The following TCF4 variants were observed in gnomAD, a reference collection of about 807,000 sequenced individuals.
TCF4 encodes transcription factor 4, also known as SL3-3 enhancer factor 2.
TCF4 carries 3 observed loss-of-function variants against 82.1 expected under a neutral mutation model. The observed-to-expected ratio is 0.04, with a 90% CI of 0.02 to 0.09. TCF4 has a LOEUF of 0.09. TCF4 is among the 10% of genes least tolerant of loss of function. The pLI, the probability that TCF4 is intolerant of heterozygous loss-of-function variation, is 1.00. For synonymous variants in TCF4, 276 were observed against 309.6 expected, an observed-to-expected ratio of 0.89 and a Z score of 1.14; for missense variants, 518 against 852.7, an observed-to-expected ratio of 0.61 and a Z score of 4.89.
chr18:55,304,193 AG>A (rs1227664581), intron 8 of TCF4, among the ~76,000 whole-genome samples: 1 of 152,220 alleles, frequency 6.6e-6, no homozygotes, highest in Non-Finnish European at 1.5e-5. Flanking sequence ...CCCAGAAGGA[AG>A]GAAGTGGCCA....
chr18:55,586,194 G>GCAGCAGCAGCAGCAC, intron 2 of TCF4: 1 of 718,678 alleles, frequency 1.4e-6, no homozygotes, highest in Non-Finnish European at 2.0e-6. Context: ...AGCAGCAGCA[G>GCAGCAGCAGCAGCAC]CAGCAGCAGC....
At chr18:55,455,911 T>C (rs1411121523) in intron 5 of TCF4, among the ~76,000 whole-genome samples, 1 of 152,224 alleles carries the variant, frequency 6.6e-6, no homozygotes, top group Non-Finnish European at 1.5e-5. Flanking sequence ...AAAAGCTGAT[T>C]CATTGGTTAT....
In TCF4 at chr18:55,489,205, G is replaced by T. The variant is rs979507712; in HGVS notation, c.146-25068C>A. On this transcript the variant is annotated intron_variant, in intron 3 of 19. Transcript: ENST00000354452. ...TAATTCCAACTGTCCCTCAGATCTGGAGCACTGTTGAAAATACATATTCCT... is the reference window on the plus strand; with the variant it reads ...TAATTCCAACTGTCCCTCAGATCTGTAGCACTGTTGAAAATACATATTCCT... Among the ~76,000 whole-genome samples, 7 of 152,170 alleles carry T rather than the reference G, an allele frequency of 4.6e-5. No homozygotes were observed. The East Asian group carries it at 1.4e-3, about 29-fold the overall frequency.
chr18:55,375,880 C>A (rs2090595588), intron 6 of TCF4, among the ~76,000 whole-genome samples: 1 of 151,998 alleles, frequency 6.6e-6, no homozygotes, highest in Non-Finnish European at 1.5e-5. Context: ...GAGGGAAATT[C>A]TCCTAAGTAG....
chr18:55,494,987 T>C (rs2096618362), intron 3 of TCF4, among the ~76,000 whole-genome samples: 1 of 149,964 alleles, frequency 6.7e-6, no homozygotes, highest in Admixed American at 6.6e-5. Context: ...AAAAGAAATC[T>C]ACACAAAGAA....
chr18:55,423,009 T>TCA (rs369259689), intron 5 of TCF4, among the ~76,000 whole-genome samples: 2 of 147,626 alleles, frequency 1.4e-5, no homozygotes, highest in South Asian at 4.4e-4. Flanking sequence ...ACGCACATGC[T>TCA]CACACACACA....
chr18:55,572,072 G>C (rs1190797448), intron 3 of TCF4, among the ~76,000 whole-genome samples: 3 of 152,138 alleles, frequency 2.0e-5, no homozygotes, highest in African/African-American at 7.2e-5. Context: ...CAATTCACCT[G>C]CAGTGGGCAT....
intron 3 of TCF4, among the ~76,000 whole-genome samples, chr18:55,483,352 C>T (rs1434442398): frequency 6.6e-6 from 1 of 152,194 alleles, no homozygotes; most frequent in East Asian, 1.9e-4. Context: ...TGGCACAATA[C>T]ATCTTTTCTC....
rs116575311 is a variant in TCF4, at chr18:55,402,598, G to A, written c.369+856C>T. ...TTCCATCAAGAGTTTTCCAAAGTAA[G>A]AAACCAATGCACTTATAAAAAGGAA... On this transcript the variant is annotated intron_variant, in intron 6 of 19. Transcript: ENST00000354452. 1.1e-3 allele frequency among the ~76,000 whole-genome samples: 172 copies of A among 151,932 alleles called. 1 individual carries two copies. The highest frequency in any genetic ancestry group is 4.0e-3 in the African/African-American group (166 of 41,454).
intron 3 of TCF4, chr18:55,483,007 C>T (rs760785370): frequency 2.0e-5 from 3 of 152,136 alleles, no homozygotes; most frequent in Non-Finnish European, 4.4e-5. Context: ...TTAGGATTCT[C>T]AAGTAATGTC....
intron 8 of TCF4, among the ~76,000 whole-genome samples, chr18:55,332,733 G>A (rs1569048333): frequency 4.6e-5 from 7 of 152,302 alleles, no homozygotes; most frequent in Admixed American, 4.6e-4. Context: ...TTTCAACCTC[G>A]AACTTTAAGC....
chr18:55,385,754 A>G (rs2092538847), intron 6 of TCF4, among the ~76,000 whole-genome samples: 1 of 152,238 alleles, frequency 6.6e-6, no homozygotes, highest in African/African-American at 2.4e-5. Flanking sequence ...GGAAAGGTAG[A>G]TATCAGGGAT....
At chr18:55,330,176 ATTTTT>A (rs3077897) in intron 8 of TCF4, among the ~76,000 whole-genome samples, 1 of 110,476 alleles carries the variant, frequency 9.1e-6, no homozygotes, top group East Asian at 2.7e-4. Flanking sequence ...GCAATGTTGG[ATTTTT>A]TTTTTTTTTT....
intron 8 of TCF4, chr18:55,322,310 G>T: frequency 9.7e-7 from 1 of 1,033,066 alleles, no homozygotes; most frequent in Non-Finnish European, 1.2e-6. Context: ...GAAGGGAATC[G>T]TATGATGCAC....
intron 2 of TCF4, among the ~76,000 whole-genome samples, chr18:55,618,743 G>C (rs2097714661): frequency 1.0e-5 from 1 of 100,274 alleles, no homozygotes; most frequent in African/African-American, 3.2e-5. Flanking sequence ...CACCATGGCT[G>C]GCTAATTAAT....
At chr18:55,596,965 G>A (rs1478627692) in intron 2 of TCF4, among the ~76,000 whole-genome samples, 1 of 152,136 alleles carries the variant, frequency 6.6e-6, no homozygotes, top group Admixed American at 6.5e-5. Flanking sequence ...TGAATCATGG[G>A]GGCGGACTCC....
Position 55,463,322 on chromosome 18 carries a change from A to C in TCF4, c.207+754T>G, listed in dbSNP as rs531798020. Among the ~76,000 whole-genome samples, 3 of 152,324 alleles carry C rather than the reference A, an allele frequency of 2.0e-5. No individual in the cohort carries two copies. The East Asian group carries it at 5.8e-4, about 29-fold the overall frequency. On this transcript the variant is annotated intron_variant, in intron 4 of 19. Coordinates refer to ENST00000354452, the MANE Select transcript of TCF4 (RefSeq NM_001083962.2). ...CTTCCTCATTTTGCAAAATAAGAAA[A>C]TGAGGACCCAAGAGGTGAAATGACA...
intron 5 of TCF4, among the ~76,000 whole-genome samples, chr18:55,432,213 G>T (rs2095222036): frequency 6.6e-6 from 1 of 152,204 alleles, no homozygotes; most frequent in South Asian, 2.1e-4. Flanking sequence ...TGAGGCAGCA[G>T]AATCACTTGA....
intron 2 of TCF4, among the ~76,000 whole-genome samples, chr18:55,626,898 T>C (rs1208308133): frequency 6.6e-6 from 1 of 152,214 alleles, no homozygotes; most frequent in East Asian, 1.9e-4. Flanking sequence ...ACAAATTGTG[T>C]AGGCAAATTT....
Sources: allele counts gnomAD v4.1 joint callset (sites outside exome capture counted in the v4.1 genomes callset), GRCh38; gene constraint gnomAD v4.1.1; transcripts MANE v1.5; gene names NCBI Gene and HGNC (gene_info 2026-07-23, HGNC 2026-07-21).